KIF1C: variants seen among roughly 807,000 people sequenced by gnomAD.
KIF1C encodes kinesin-like protein KIF1C.
Under a neutral mutation model 126.5 loss-of-function variants are expected in KIF1C, and 61 were observed. The ratio of observed to expected loss-of-function variants is 0.48; its 90% CI spans 0.39 to 0.60. KIF1C has a LOEUF of 0.60. Ranked by LOEUF, KIF1C falls within the 20% of genes least tolerant of loss-of-function variation. The pLI, the probability that KIF1C is intolerant of heterozygous loss-of-function variation, is 0.00. For missense variants in KIF1C, 1,315 were observed against 1,489.2 expected, an observed-to-expected ratio of 0.88 and a Z score of 1.93; for synonymous variants, 640 against 580.6, an observed-to-expected ratio of 1.10 and a Z score of -1.47.
At chr17:5,003,336 C>T (rs1014442215) in intron 8 of KIF1C, among the ~76,000 whole-genome samples, 2 of 152,192 alleles carry the variant, frequency 1.3e-5, no homozygotes, top group Non-Finnish European at 2.9e-5. Flanking sequence ...TGTGAGCCAC[C>T]ACACCCGGCT....
chr17:5,016,300 G>A (rs1453073595), intron 18 of KIF1C, among the ~76,000 whole-genome samples: 1 of 151,908 alleles, frequency 6.6e-6, no homozygotes, highest in Non-Finnish European at 1.5e-5. Flanking sequence ...ACCACACCCG[G>A]CTAATTTTGT....
intron 17 of KIF1C, 114 bp from the exon 18 acceptor site, chr17:5,014,629 A>G: frequency 1.3e-6 from 1 of 767,312 alleles, no homozygotes; most frequent in African/African-American, 1.7e-5. Flanking sequence ...CTGCTTCCTC[A>G]TCTGTGAAAT....
intron 8 of KIF1C, 72 bp from the exon 9 acceptor site, chr17:5,003,539 TG>T: frequency 9.3e-7 from 1 of 1,080,532 alleles, no homozygotes; most frequent in Non-Finnish European, 1.4e-6. Flanking sequence ...ACATTCCTGC[TG>T]GGTGCTTCCC....
At chr17:5,014,491 C>G (rs932545342) in intron 17 of KIF1C, among the ~76,000 whole-genome samples, 2 of 151,900 alleles carry the variant, frequency 1.3e-5, no homozygotes, top group Admixed American at 1.3e-4. Context: ...GAGAAGTTGG[C>G]GAGCCTGCTG....
At chr17:5,021,993 G>A (rs1044837165) in intron 21 of KIF1C, 99 bp from the exon 22 acceptor site, 6 of 1,369,506 alleles carry the variant, frequency 4.4e-6, no homozygotes, top group Admixed American at 2.3e-5. Flanking sequence ...CAGGCTCCCT[G>A]ATGGGCGTGT....
chr17:5,020,703 C>T lies in KIF1C; in HGVS notation c.1937+25C>T. ...GGTGCGAGGGGGTTACCCACGTGCCCCATGGCCGTCTAGGCCGTCCCTCCC... is the reference window on the plus strand; with the variant it reads ...GGTGCGAGGGGGTTACCCACGTGCCTCATGGCCGTCTAGGCCGTCCCTCCC... On this transcript the variant is annotated intron_variant, in intron 20 of 22. Transcript: ENST00000320785. This position sits in a 1 kb window ranked among gnomAD's most constrained non-coding sequence, Gnocchi z 5.8. The T allele has an allele frequency of 1.2e-6, 2 of 1,611,668 alleles. No homozygotes were observed. Among genetic ancestry groups the T allele is most frequent in the Non-Finnish European group, 1.7e-6 (2 of 1,178,166 alleles).
chr17:5,017,670 C>T (rs1025684197), intron 18 of KIF1C, among the ~76,000 whole-genome samples: 4 of 152,092 alleles, frequency 2.6e-5, no homozygotes, highest in African/African-American at 9.7e-5. Flanking sequence ...GGGGGCAGCA[C>T]AGACAGGTAT....
chr17:5,021,683 C>T (rs753760763), intron 21 of KIF1C, among the ~76,000 whole-genome samples: 3 of 151,592 alleles, frequency 2.0e-5, no homozygotes, highest in Non-Finnish European at 4.4e-5. Context: ...GGTCTCACTA[C>T]ATTACCCAGG....
chr17:5,020,796 C>T lies in KIF1C; in HGVS notation c.1938-10C>T. 6.3e-7 allele frequency: 1 copy of T among 1,596,300 alleles called. No individual in the cohort carries two copies. The highest frequency in any genetic ancestry group is 8.5e-7 in the Non-Finnish European group (1 of 1,171,034). On this transcript the variant is annotated splice_polypyrimidine_tract_variant and intron_variant, in intron 20 of 22. Coordinates refer to ENST00000320785, the MANE Select transcript of KIF1C (RefSeq NM_006612.6). This position sits in a 1 kb window ranked among gnomAD's most constrained non-coding sequence, Gnocchi z 5.8. ...AGGTTGCTCTTCCTTCCCTCCCTGT[C>T]CAATCCCAGGCTGCAGGATCTGGAG... is the stretch of plus-strand genomic sequence containing the variant.
At chr17:5,003,566 G>A (rs758541594) in intron 8 of KIF1C, 46 bp from the exon 9 acceptor site, 22 of 1,401,426 alleles carry the variant, frequency 1.6e-5, no homozygotes, top group African/African-American at 5.7e-5. Flanking sequence ...TCCCTGCCCC[G>A]TCCCCCACCC....
rs917226569 is a variant in KIF1C at position 4,999,987 on chromosome 17, G to A, written c.-28+17G>A. On this transcript the variant is annotated intron_variant, in intron 2 of 22. Coordinates refer to ENST00000320785, the MANE Select transcript of KIF1C (RefSeq NM_006612.6). ...GGACGCCAGGTAACTGGGGGAGACCGCCCAGGTTCCTGCAAGCTGGAATAT... is the reference window on the plus strand; with the variant it reads ...GGACGCCAGGTAACTGGGGGAGACCACCCAGGTTCCTGCAAGCTGGAATAT... 6 of 484,810 alleles carry A rather than the reference G, an allele frequency of 1.2e-5. No homozygotes were observed. The highest frequency in any genetic ancestry group is 2.3e-5 in the Non-Finnish European group (6 of 265,744). 30.0% of individuals were successfully genotyped at this position (484,810 alleles called of 1,614,324 possible). A position where few individuals can be genotyped will look rare whatever the true frequency, so the allele number is the denominator to read the frequency against.
In KIF1C at chr17:5,003,565, C is replaced by T. The variant is rs766622528; in HGVS notation, c.721-47C>T. On this transcript the variant is annotated intron_variant, in intron 8 of 22. Coordinates refer to ENST00000320785, the MANE Select transcript of KIF1C (RefSeq NM_006612.6). ...GGGTGCTTCCCTGATTTCCCTGCCCCGTCCCCCACCCGCACCTTATCTCCT... is the reference window on the plus strand; with the variant it reads ...GGGTGCTTCCCTGATTTCCCTGCCCTGTCCCCCACCCGCACCTTATCTCCT... The T allele has an allele frequency of 2.0e-4, 283 of 1,389,036 alleles. 1 individual carries two copies. Among genetic ancestry groups the T allele is most frequent in the Non-Finnish European group, 2.6e-4 (264 of 996,852 alleles). 86.0% of individuals were successfully genotyped at this position (1,389,036 alleles called of 1,614,324 possible).
rs1974536406 is a variant in KIF1C, at chr17:4,999,875, G to A, written c.-123G>A. ...GGTATCTCCCAGAGCCCCAGCTGGT[G>A]TGGCCAGGCCCCAGGAGTAGGATGG... On this transcript the variant is annotated 5_prime_UTR_variant, in exon 2 of 23. It adds an upstream start codon to the 5' untranslated region. Coordinates refer to ENST00000320785, the MANE Select transcript of KIF1C (RefSeq NM_006612.6). 4.5e-6 allele frequency: 1 copy of A among 221,292 alleles called. No individual in the cohort carries two copies. Among genetic ancestry groups the A allele is most frequent in the Non-Finnish European group, 9.1e-6 (1 of 109,606 alleles). The allele number at this position is 221,292 out of a possible 1,614,324, so 13.7% of individuals were successfully genotyped here.
rs1597866803 is a variant in KIF1C, at chr17:5,024,390, A to C, written c.*239A>C. On this transcript the variant is annotated 3_prime_UTR_variant, in exon 23 of 23. Coordinates refer to ENST00000320785, the MANE Select transcript of KIF1C (RefSeq NM_006612.6). ...AGAGATAGGAAGCTGCCTCGGGGCCACCCCTTGCAAAGGGGGTGTGTCCCA... is the reference window on the plus strand; with the variant it reads ...AGAGATAGGAAGCTGCCTCGGGGCCCCCCCTTGCAAAGGGGGTGTGTCCCA... The C allele has an allele frequency of 7.9e-6, 3 of 381,986 alleles. No individual in the cohort carries two copies. The highest frequency in any genetic ancestry group is 6.9e-5 in the South Asian group (1 of 14,584). The allele number at this position is 381,986 out of a possible 1,614,324, so 23.7% of individuals were successfully genotyped here.
intron 18 of KIF1C, among the ~76,000 whole-genome samples, chr17:5,017,959 A>G (rs1173194545): frequency 6.6e-6 from 1 of 151,556 alleles, no homozygotes; most frequent in Non-Finnish European, 1.5e-5. Flanking sequence ...CATAACACGT[A>G]TTCCCTCCTT....
In KIF1C at chr17:5,007,005, A is replaced by G; in HGVS notation, c.1256A>G (p.His419Arg). The change falls in exon 14 of 23, where the codon CAT (histidine) becomes CGT (arginine). Residue 419 changes from histidine (H) to arginine (R), a missense_variant. By Grantham distance (29) the His-to-Arg change is conservative. Transcript: ENST00000320785. Reference sequence around the variant, plus strand: ...GTTTCACCCTCATCACCCACCACACATAATGGGGAGCTGGAGCCGTCATTC... The same window carrying G: ...GTTTCACCCTCATCACCCACCACACGTAATGGGGAGCTGGAGCCGTCATTC... ...APVSPSSPTT[H>R]NGELEPSFSP... is the part of the protein sequence containing the mutation. 1 of 1,611,206 alleles carries G rather than the reference A, an allele frequency of 6.2e-7. No homozygotes were observed. The highest frequency in any genetic ancestry group is 8.5e-7 in the Non-Finnish European group (1 of 1,179,240).
intron 16 of KIF1C, among the ~76,000 whole-genome samples, chr17:5,007,912 G>A (rs1974772570): frequency 6.6e-6 from 1 of 152,238 alleles, no homozygotes; most frequent in Non-Finnish European, 1.5e-5. Context: ...GGGAATAGAG[G>A]AGGCATGAGC....
intron 3 of KIF1C, 46 bp downstream of exon 3, chr17:5,000,398 G>A (rs774299795): frequency 1.4e-5 from 19 of 1,319,822 alleles, no homozygotes; most frequent in Middle Eastern, 2.5e-4. Flanking sequence ...AGGGAAGGCC[G>A]GGCCCACCAC....
intron 5 of KIF1C, 98 bp downstream of exon 5, chr17:5,001,499 C>T: frequency 8.2e-7 from 1 of 1,221,740 alleles, no homozygotes; most frequent in Non-Finnish European, 1.2e-6. Context: ...GAACAGAGAC[C>T]TGGCTCTGAG....
Sources: gnomAD v4.1 joint callset for allele counts (sites outside exome capture counted in the v4.1 genomes callset) on GRCh38, gnomAD v4.1.1 for gene constraint, Gnocchi (gnomAD v3.1) non-coding constraint, MANE v1.5 for transcripts, NCBI Gene and HGNC (gene_info 2026-07-23, HGNC 2026-07-21) for gene names.